Variants in RICTOR observed in about 807,000 individuals in gnomAD.
RICTOR encodes rapamycin-insensitive companion of mTOR.
A neutral mutation model predicts 214.9 loss-of-function variants in RICTOR; 49 were observed. The observed-to-expected ratio is 0.23, with a 90% CI of 0.18 to 0.29. The LOEUF (loss-of-function observed/expected upper bound fraction) is 0.29. Among genes scored for constraint, RICTOR ranks in the 10% least tolerant of loss-of-function variants. RICTOR has a pLI of 1.00. For missense variants in RICTOR, 1,625 were observed against 2,047.0 expected (o/e 0.79, Z 3.98); for synonymous variants, 717 against 711.3 (o/e 1.01, Z -0.13).
At chr5:38,987,522 A>G (rs1752264788) in intron 7 of RICTOR, among the ~76,000 whole-genome samples, 1 of 152,164 alleles carries the variant, frequency 6.6e-6, no homozygotes, top group Non-Finnish European at 1.5e-5. Context: ...GTATTCTCTT[A>G]TAACAGTCTG....
At chr5:39,005,027 C>A (rs1171466920) in intron 3 of RICTOR, among the ~76,000 whole-genome samples, 1 of 151,986 alleles carries the variant, frequency 6.6e-6, no homozygotes, top group African/African-American at 2.4e-5. Flanking sequence ...GTGATCCGCC[C>A]GCCTTGGCCT....
intron 4 of RICTOR, 65 bp from the exon 5 acceptor site, chr5:39,002,731 T>G: frequency 6.7e-7 from 1 of 1,487,670 alleles, no homozygotes; most frequent in Non-Finnish European, 9.1e-7. Context: ...AAAATTATAT[T>G]ACCAAATTAT....
intron 2 of RICTOR, 114 bp downstream of exon 2, chr5:39,073,997 C>A (rs1561094237): frequency 1.6e-6 from 1 of 625,932 alleles, no homozygotes; most frequent in Non-Finnish European, 2.2e-6. Flanking sequence ...CCGGCTCTGG[C>A]CCCCGCACCC....
intron 7 of RICTOR, among the ~76,000 whole-genome samples, chr5:38,989,026 T>C (rs1318139611): frequency 2.6e-5 from 4 of 152,130 alleles, no homozygotes; most frequent in Admixed American, 2.6e-4. Context: ...AAATTTCATA[T>C]GGAACCAAAA....
At chr5:39,057,364 A>C (rs1758272112) in intron 2 of RICTOR, among the ~76,000 whole-genome samples, 1 of 152,174 alleles carries the variant, frequency 6.6e-6, no homozygotes, top group South Asian at 2.1e-4. Flanking sequence ...CTTAGTAAGT[A>C]TATAATTTCT....
rs1467925258 is a variant in RICTOR at position 38,962,915 on chromosome 5, A to G, written c.1527T>C (p.Asp509=). Residue 509 remains aspartate (D), a synonymous_variant, in exon 17 of 38, where the codon GAT becomes GAC. Transcript: ENST00000357387. Reference sequence around the variant, plus strand: ...TATCTTTCTGAACTCGGAGATACTGATCCCGTTTCTGGTGTGTTGCAATTG... The same window carrying G: ...TATCTTTCTGAACTCGGAGATACTGGTCCCGTTTCTGGTGTGTTGCAATTG... ...QKAIATHQKR[D]QYLRVQKDIF... is the part of the protein sequence containing the mutation. The G allele has an allele frequency of 6.2e-7, 1 of 1,612,964 alleles. No homozygotes were observed. The highest frequency in any genetic ancestry group is 8.5e-7 in the Non-Finnish European group (1 of 1,179,112).
At chr5:39,011,332 T>C (rs1023157220) in intron 3 of RICTOR, among the ~76,000 whole-genome samples, 2 of 152,188 alleles carry the variant, frequency 1.3e-5, no homozygotes, top group African/African-American at 4.8e-5. Context: ...ATGAAAATGC[T>C]TGCATGTCCA....
chr5:38,981,846 A>G (rs1751740193), intron 8 of RICTOR, 21 bp downstream of exon 8: 1 of 1,539,342 alleles, frequency 6.5e-7, no homozygotes, highest in Admixed American at 1.7e-5. Context: ...TAAAACTAGA[A>G]AAGAATATTA....
chr5:38,994,133 T>C (rs552937558), intron 6 of RICTOR, among the ~76,000 whole-genome samples: 28 of 152,016 alleles, frequency 1.8e-4, no homozygotes, highest in African/African-American at 6.8e-4. Flanking sequence ...GAGCTTGCAG[T>C]GAGCCGAGAT....
At chr5:39,070,289 C>T (rs1759215707) in intron 2 of RICTOR, among the ~76,000 whole-genome samples, 1 of 151,896 alleles carries the variant, frequency 6.6e-6, no homozygotes, top group African/African-American at 2.4e-5. Flanking sequence ...CAAGGTGAAA[C>T]CCCGTCTCTA....
chr5:39,025,783 C>T (rs1213174558), intron 2 of RICTOR, among the ~76,000 whole-genome samples: 1 of 152,110 alleles, frequency 6.6e-6, no homozygotes, highest in African/African-American at 2.4e-5. Flanking sequence ...TAATTACCTC[C>T]CAGAGGCCCA....
At chr5:38,958,126 ACTTGGGAGG>A (rs1365681770) in intron 24 of RICTOR, among the ~76,000 whole-genome samples, 3 of 152,032 alleles carry the variant, frequency 2.0e-5, no homozygotes, top group Non-Finnish European at 4.4e-5. Context: ...AGTCCCAGCT[ACTTGGGAGG>A]CTGAGGCAGG....
In RICTOR at chr5:38,982,408, A is replaced by G. The variant is rs186943266; in HGVS notation, c.584-372T>C. On this transcript the variant is annotated intron_variant, in intron 7 of 37. Coordinates refer to ENST00000357387, the MANE Select transcript of RICTOR (RefSeq NM_152756.5). ...TTAAAATGGTGTATTTCATTTCTCTATATTTTTATTAAACACACACATAGA... is the reference window on the plus strand; with the variant it reads ...TTAAAATGGTGTATTTCATTTCTCTGTATTTTTATTAAACACACACATAGA... Among the ~76,000 whole-genome samples, 4 of 152,228 alleles carry G rather than the reference A, an allele frequency of 2.6e-5. No individual in the cohort carries two copies. In the East Asian group the frequency reaches 7.7e-4, roughly 29 times the overall value.
chr5:39,015,816 A>G (rs1754898307), intron 3 of RICTOR, among the ~76,000 whole-genome samples: 1 of 152,150 alleles, frequency 6.6e-6, no homozygotes, highest in African/African-American at 2.4e-5. Context: ...GGCACTACCT[A>G]TTACAGAGCA....
intron 3 of RICTOR, among the ~76,000 whole-genome samples, chr5:39,004,056 T>C (rs1275935136): frequency 6.6e-6 from 1 of 152,200 alleles, no homozygotes; most frequent in African/African-American, 2.4e-5. Context: ...TTCTATCTTT[T>C]AAAAACTATA....
At chr5:38,989,775 A>G (rs1396806798) in intron 7 of RICTOR, among the ~76,000 whole-genome samples, 4 of 152,230 alleles carry the variant, frequency 2.6e-5, no homozygotes, top group Admixed American at 2.6e-4. Flanking sequence ...GTCATTAAAG[A>G]AATGCAAATC....
At chr5:38,979,996 C>T (rs184617363) in intron 8 of RICTOR, among the ~76,000 whole-genome samples, 16 of 152,280 alleles carry the variant, frequency 1.1e-4, no homozygotes, top group Admixed American at 9.2e-4. Flanking sequence ...ATTGACTTCT[C>T]TTTCAGTTTA....
At chr5:39,035,146 G>A (rs1208346217) in intron 2 of RICTOR, among the ~76,000 whole-genome samples, 1 of 152,236 alleles carries the variant, frequency 6.6e-6, no homozygotes, top group Non-Finnish European at 1.5e-5. Context: ...CAATCAGGCA[G>A]CAGCATTTGT....
chr5:39,053,492 G>C (rs985146541), intron 2 of RICTOR, among the ~76,000 whole-genome samples: 1 of 152,170 alleles, frequency 6.6e-6, no homozygotes, highest in Admixed American at 6.5e-5. Context: ...AAAGGCACAC[G>C]TGCTCATGCT....
Sources: gnomAD v4.1 joint callset for allele counts (sites outside exome capture counted in the v4.1 genomes callset) on GRCh38, gnomAD v4.1.1 for gene constraint, MANE v1.5 for transcripts, NCBI Gene and HGNC (gene_info 2026-07-23, HGNC 2026-07-21) for gene names.